ANXA9: variants seen among roughly 807,000 people sequenced by gnomAD.
ANXA9 encodes annexin A9, also known as annexin 31.
ANXA9 carries 47 observed loss-of-function variants against 51.8 expected under a neutral mutation model. The ratio of observed to expected loss-of-function variants is 0.91; its 90% CI spans 0.72 to 1.16. The LOEUF (loss-of-function observed/expected upper bound fraction) is 1.16. ANXA9 is among the 50% of genes most tolerant of loss of function. The pLI is 0.00. For missense variants in ANXA9, 361 were observed against 424.7 expected (o/e 0.85, Z 1.32); for synonymous variants, 154 against 168.7 (o/e 0.91, Z 0.68).
intron 12 of ANXA9, among the ~76,000 whole-genome samples, chr1:150,988,962 C>T (rs1333285836): frequency 1.3e-5 from 2 of 151,454 alleles, no homozygotes; most frequent in East Asian, 1.9e-4. Context: ...TTTTGTTCCA[C>T]ATTATCCATA....
upstream of ANXA9, among the ~76,000 whole-genome samples, chr1:150,979,754 T>A (rs1179737910): frequency 6.6e-6 from 1 of 152,140 alleles, no homozygotes; most frequent in Non-Finnish European, 1.5e-5. Context: ...AGGTAAGTAA[T>A]AACAACAGTA....
chr1:150,981,372 G>A (rs1335675639), upstream of ANXA9, among the ~76,000 whole-genome samples: 5 of 152,136 alleles, frequency 3.3e-5, no homozygotes, highest in Admixed American at 6.5e-5. Context: ...TCTGTGCCCC[G>A]CCCCTACCCA....
rs769830440 is a variant in ANXA9 at position 150,984,043 on chromosome 1, C to T, written c.241C>T (p.Arg81Ter). The change falls in exon 5 of 14, where the codon CGA (arginine) becomes TGA (stop). Residue 81 changes from arginine (R) to a stop codon, truncating the protein, a stop_gained. Transcript: ENST00000368947. LOFTEE classifies it high-confidence loss of function. ...CAGAGAGCAAAGGCAGCTCATCTCA[C>T]GAAACTTCCAGGAGCGCACCCAACA... ...RSREQRQLIS[R>*]NFQERTQQDL... 74 of 1,611,366 alleles carry T rather than the reference C, an allele frequency of 4.6e-5. No homozygotes were observed. The highest frequency in any genetic ancestry group is 2.2e-4 in the East Asian group (10 of 44,886).
At chr1:150,991,306 G>A (rs999461397) in intron 12 of ANXA9, among the ~76,000 whole-genome samples, 2 of 151,096 alleles carry the variant, frequency 1.3e-5, no homozygotes, top group African/African-American at 2.4e-5. Flanking sequence ...GCGCGATCTC[G>A]GCTCATTGCA....
Position 150,986,688 on chromosome 1 carries a change from C to G in ANXA9, c.612+27C>G, listed in dbSNP as rs747053800. On this transcript the variant is annotated intron_variant, in intron 9 of 13. Coordinates refer to ENST00000368947, the MANE Select transcript of ANXA9 (RefSeq NM_003568.3). Reference sequence around the variant, plus strand: ...TGAGCAGGGGGTTTAGGAGTGTGCACAGCCGCCATGCACATAAGATGCCTT... The same window carrying G: ...TGAGCAGGGGGTTTAGGAGTGTGCAGAGCCGCCATGCACATAAGATGCCTT... The G allele has an allele frequency of 1.3e-5, 20 of 1,564,038 alleles. No homozygotes were observed. The East Asian group carries it at 4.5e-4, about 36-fold the overall frequency.
In ANXA9 at chr1:150,987,382, A is replaced by T. The variant is rs11204753; in HGVS notation, c.613-490A>T. Among the ~76,000 whole-genome samples, 928 of 26,616 alleles carry T rather than the reference A, an allele frequency of 0.035. 6 individuals are homozygous for T. The East Asian group carries it at 0.35, about 10-fold the overall frequency. The allele number at this position is 26,616 out of a possible 152,430, so 17.5% of individuals were successfully genotyped here. A position where few individuals can be genotyped will look rare whatever the true frequency, so the allele number is the denominator to read the frequency against. ...CTCGCTCTCTCTCTCTCTCTCTCTCACACACACACACACACACACACGCAC... is the reference window on the plus strand; with the variant it reads ...CTCGCTCTCTCTCTCTCTCTCTCTCTCACACACACACACACACACACGCAC... On this transcript the variant is annotated intron_variant, in intron 9 of 13. Transcript: ENST00000368947.
At position 150,994,452 on chromosome 1, in the gene ANXA9, T is replaced by G. The variant is rs1028176106; in HGVS notation, c.853-125T>G. 1.3e-4 allele frequency: 187 copies of G among 1,423,130 alleles called. 1 individual carries two copies. The Admixed American group carries it at 3.7e-3, about 28-fold the overall frequency. 88.2% of individuals were successfully genotyped at this position (1,423,130 alleles called of 1,614,324 possible). On this transcript the variant is annotated intron_variant, in intron 12 of 13. Coordinates refer to ENST00000368947, the MANE Select transcript of ANXA9 (RefSeq NM_003568.3). ...ACTTTTGTCCCGAGATAATGTATAA[T>G]GTACACTCTTATCCCTTGACTCCCA... is the stretch of plus-strand genomic sequence containing the variant.
chr1:150,988,849 T>C (rs1330984336), intron 12 of ANXA9, among the ~76,000 whole-genome samples: 5 of 152,188 alleles, frequency 3.3e-5, no homozygotes, highest in Admixed American at 2.0e-4. Context: ...AGTTATACAG[T>C]CTCCCTACAC....
intron 12 of ANXA9, among the ~76,000 whole-genome samples, chr1:150,992,573 G>A (rs1217588684): frequency 1.3e-5 from 2 of 151,872 alleles, no homozygotes; most frequent in Admixed American, 6.6e-5. Flanking sequence ...ATATATATAT[G>A]CTGAAGCGAG....
intron 2 of ANXA9, 80 bp from the exon 3 acceptor site, chr1:150,983,003 CCCAGGGT>C: frequency 1.0e-6 from 1 of 955,422 alleles, no homozygotes; most frequent in Admixed American, 2.5e-5. Context: ...GTGACTGGAA[CCCAGGGT>C]CCAGGGTCTC....
chr1:150,994,084 T>C (rs936643193), intron 12 of ANXA9, among the ~76,000 whole-genome samples: 10 of 152,092 alleles, frequency 6.6e-5, no homozygotes, highest in African/African-American at 1.9e-4. Flanking sequence ...CCCTATTGGG[T>C]TGGAATCAGA....
Position 150,987,797 on chromosome 1 carries a change from C to T in ANXA9, c.613-75C>T, listed in dbSNP as rs957835431. On this transcript the variant is annotated intron_variant, in intron 9 of 13. Coordinates refer to ENST00000368947, the MANE Select transcript of ANXA9 (RefSeq NM_003568.3). The stretch of plus-strand genomic sequence containing the variant: ...ATCATGATGATGATAGATTCTGGAA[C>T]GTCATACCCATGGCTCCCTAGGCCC... The T allele has an allele frequency of 2.0e-5, 24 of 1,194,456 alleles. No individual in the cohort carries two copies. The African/African-American group carries it at 2.6e-4, about 13-fold the overall frequency. The allele number at this position is 1,194,456 out of a possible 1,614,324, so 74.0% of individuals were successfully genotyped here.
upstream of ANXA9, among the ~76,000 whole-genome samples, chr1:150,978,423 C>T (rs1049739074): frequency 6.6e-6 from 1 of 152,042 alleles, no homozygotes; most frequent in African/African-American, 2.4e-5. Context: ...GAGTAAGACT[C>T]GGTCTCAATA....
intron 12 of ANXA9, among the ~76,000 whole-genome samples, chr1:150,989,791 G>C (rs1048919149): frequency 6.6e-6 from 1 of 152,152 alleles, no homozygotes; most frequent in Non-Finnish European, 1.5e-5. Flanking sequence ...ATAAGCAATT[G>C]TTCTGTCATC....
chr1:150,986,777 T>G lies in ANXA9; in HGVS notation c.612+116T>G, dbSNP rs1033906051. The G allele has an allele frequency of 5.8e-6, 6 of 1,036,112 alleles. No individual in the cohort carries two copies. The African/African-American group carries it at 8.1e-5, about 14-fold the overall frequency. The allele number at this position is 1,036,112 out of a possible 1,614,324, so 64.2% of individuals were successfully genotyped here. Reference sequence around the variant, plus strand: ...TTTTTCCCGCAAACCCATCCCTGCCTTGGAGAGGGAGTTCTCAGTTATGTG... The same window carrying G: ...TTTTTCCCGCAAACCCATCCCTGCCGTGGAGAGGGAGTTCTCAGTTATGTG... On this transcript the variant is annotated intron_variant, in intron 9 of 13. Coordinates refer to ENST00000368947, the MANE Select transcript of ANXA9 (RefSeq NM_003568.3).
chr1:150,985,811 C>T lies in ANXA9; in HGVS notation c.473-525C>T, dbSNP rs587751338. On this transcript the variant is annotated intron_variant, in intron 7 of 13. Transcript: ENST00000368947. ...TCGAACTTCTGGGCTCAAGCCATCT[C>T]CTGCCTCAGCCTCTGAAAGTGCTGG... Among the ~76,000 whole-genome samples, 58 of 152,290 alleles carry T rather than the reference C, an allele frequency of 3.8e-4. No individual in the cohort carries two copies. The South Asian group carries it at 8.1e-3, about 21-fold the overall frequency.
chr1:150,978,539 G>A (rs1022490129), upstream of ANXA9, among the ~76,000 whole-genome samples: 1 of 152,172 alleles, frequency 6.6e-6, no homozygotes, highest in African/African-American at 2.4e-5. Flanking sequence ...TCCACTGAGA[G>A]GGAGCCCAAA....
upstream of ANXA9, among the ~76,000 whole-genome samples, chr1:150,980,844 G>A (rs746883774): frequency 1.4e-4 from 21 of 152,058 alleles, no homozygotes; most frequent in Non-Finnish European, 2.5e-4. Context: ...CTCACAAAGT[G>A]CTGGGATTAC....
intron 12 of ANXA9, among the ~76,000 whole-genome samples, chr1:150,988,768 C>T (rs1456179980): frequency 6.6e-6 from 1 of 152,148 alleles, no homozygotes; most frequent in Admixed American, 6.5e-5. Context: ...CCATATCCAT[C>T]CGTATCTTAT....
Sources: gnomAD v4.1 joint callset for allele counts (sites outside exome capture counted in the v4.1 genomes callset) on GRCh38, gnomAD v4.1.1 for gene constraint, MANE v1.5 for transcripts, NCBI Gene and HGNC (gene_info 2026-07-23, HGNC 2026-07-21) for gene names.